HMCES: variants seen among roughly 807,000 people sequenced by gnomAD.
HMCES encodes the protein abasic site processing protein HMCES.
A neutral mutation model predicts 35.1 loss-of-function variants in HMCES; 27 were observed. The observed-to-expected ratio is 0.77, with a 90% CI of 0.57 to 1.06. HMCES has a LOEUF of 1.06. HMCES is among the 50% of genes least tolerant of loss of function. HMCES has a pLI of 0.00. For synonymous variants in HMCES, 130 were observed against 154.7 expected (o/e 0.84, Z 1.18); for missense variants, 391 against 430.4 (o/e 0.91, Z 0.81).
At position 129,279,801 on chromosome 3, in the gene HMCES, G is replaced by A. The variant is rs1940411999; in HGVS notation, c.69G>A (p.Arg23=). The change falls in exon 2 of 7, where the codon CGG becomes CGA. Residue 23 remains arginine (R), a synonymous_variant. Coordinates refer to ENST00000383463, the MANE Select transcript of HMCES (RefSeq NM_020187.3). This position sits in a 1 kb window ranked among gnomAD's most constrained non-coding sequence, Gnocchi z 4.2. The part of the protein sequence containing the change: ...VLTRACAYQD[R]RGQQRLPEWR... ...CGAGAGCTTGCGCCTACCAGGATCG[G>A]CGGGGCCAGCAGCGGCTCCCGGAGT... is the stretch of plus-strand genomic sequence containing the variant. The A allele has an allele frequency of 1.2e-6, 2 of 1,613,478 alleles. No homozygotes were observed. Among genetic ancestry groups the A allele is most frequent in the African/African-American group, 2.7e-5 (2 of 75,022 alleles).
rs1560070975 is a variant in HMCES, at chr3:129,279,272, CG to C, written c.-24+370del. The C allele has an allele frequency of 5.9e-6, 1 of 168,080 alleles. No individual in the cohort carries two copies. Among genetic ancestry groups the C allele is most frequent in the African/African-American group, 2.4e-5 (1 of 41,638 alleles). 10.4% of individuals were successfully genotyped at this position (168,080 alleles called of 1,614,324 possible). On this transcript the variant is annotated intron_variant, in intron 1 of 6. Coordinates refer to ENST00000383463, the MANE Select transcript of HMCES (RefSeq NM_020187.3). This position sits in a 1 kb window ranked among gnomAD's most constrained non-coding sequence, Gnocchi z 4.2. ...AGGCGGGGATTCTGCACCCCGGCCCCGGGCCGTCCAGTGGCCGCCCTCGAGG... is the reference window on the plus strand; with the variant it reads ...AGGCGGGGATTCTGCACCCCGGCCCCGGCCGTCCAGTGGCCGCCCTCGAGG...
chr3:129,302,481 G>T (rs189817540), intron 6 of HMCES, among the ~76,000 whole-genome samples: 10 of 152,208 alleles, frequency 6.6e-5, no homozygotes, highest in African/African-American at 2.4e-4. Context: ...TTGGGAGGCC[G>T]AGGCAAGTGG....
rs771844415 is a variant in HMCES at position 129,298,471 on chromosome 3, GTCCTGT to G, written c.572_577del (p.Val191_Tyr193delinsAsp). 20 of 1,614,080 alleles carry G rather than the reference GTCCTGT, an allele frequency of 1.2e-5. No individual in the cohort carries two copies. The African/African-American group carries it at 2.3e-4, about 18-fold the overall frequency. On this transcript the variant is annotated inframe_deletion, in exon 5 of 7. Coordinates refer to ENST00000383463, the MANE Select transcript of HMCES (RefSeq NM_020187.3). ...CTGGGAGCCCCCAGAGGGAGGAGAT[GTCCTGT>G]ATTCCTATACCATCATCACAGTGGA...
Position 129,305,260 on chromosome 3 carries a change from T to A in HMCES, c.*435T>A, listed in dbSNP as rs1021998942. 1.3e-5 allele frequency: 2 copies of A among 155,392 alleles called. No homozygotes were observed. The highest frequency in any genetic ancestry group is 2.9e-5 in the Non-Finnish European group (2 of 70,064). 9.6% of individuals were successfully genotyped at this position (155,392 alleles called of 1,614,324 possible). A position where few individuals can be genotyped will look rare whatever the true frequency, so the allele number is the denominator to read the frequency against. ...TAAAATAAAAATAAGTTCTTAAAATTTATTTTTTTCCTGAATAAATTGTAT... is the reference window on the plus strand; with the variant it reads ...TAAAATAAAAATAAGTTCTTAAAATATATTTTTTTCCTGAATAAATTGTAT... On this transcript the variant is annotated 3_prime_UTR_variant, in exon 7 of 7. Transcript: ENST00000383463.
At chr3:129,293,307 C>T (rs1245236185) in intron 4 of HMCES, among the ~76,000 whole-genome samples, 3 of 152,046 alleles carry the variant, frequency 2.0e-5, no homozygotes. Flanking sequence ...GCACCAAAAT[C>T]TCAGAAATCA....
chr3:129,291,149 C>T (rs548591276), intron 4 of HMCES, among the ~76,000 whole-genome samples: 1 of 152,152 alleles, frequency 6.6e-6, no homozygotes, highest in East Asian at 1.9e-4. Context: ...CTGCAATGAG[C>T]TATGATCACA....
intron 4 of HMCES, among the ~76,000 whole-genome samples, chr3:129,294,418 G>A (rs1024377689): frequency 9.9e-5 from 15 of 151,940 alleles, no homozygotes; most frequent in Admixed American, 7.2e-4. Flanking sequence ...GTGAGACTCC[G>A]TCTCAAAAAA....
At chr3:129,287,724 G>A (rs1248346102) in intron 2 of HMCES, among the ~76,000 whole-genome samples, 1 of 152,140 alleles carries the variant, frequency 6.6e-6, no homozygotes, top group South Asian at 2.1e-4. Context: ...GCATCCTCCA[G>A]TGCTTTGAGA....
Position 129,306,088 on chromosome 3 carries a change from TTTGG to T in HMCES, c.*1267_*1270del, listed in dbSNP as rs550170092. On this transcript the variant is annotated 3_prime_UTR_variant, in exon 7 of 7. Transcript: ENST00000383463. Reference sequence around the variant, plus strand: ...CCCTTGTGGACTGATTTGCGTGGGATTTGGTTGTTTTATTAAGAGATTTAAAAAA... The same window carrying T: ...CCCTTGTGGACTGATTTGCGTGGGATTTGTTTTATTAAGAGATTTAAAAAA... 2.0e-5 allele frequency: 3 copies of T among 152,110 alleles called. No homozygotes were observed. Among genetic ancestry groups the T allele is most frequent in the Non-Finnish European group, 4.4e-5 (3 of 68,028 alleles). The allele number at this position is 152,110 out of a possible 1,614,324, so 9.4% of individuals were successfully genotyped here. A position where few individuals can be genotyped will look rare whatever the true frequency, so the allele number is the denominator to read the frequency against.
At chr3:129,297,425 C>T (rs2071107564) in intron 4 of HMCES, among the ~76,000 whole-genome samples, 1 of 152,028 alleles carries the variant, frequency 6.6e-6, no homozygotes, top group Non-Finnish European at 1.5e-5. Context: ...TCCCTGGCAG[C>T]TTAAGACTTT....
chr3:129,285,555 C>T (rs1940613977), intron 2 of HMCES, among the ~76,000 whole-genome samples: 1 of 151,900 alleles, frequency 6.6e-6, no homozygotes, highest in South Asian at 2.1e-4. Context: ...GGGTTCACGC[C>T]ATTCTCCTGC....
Position 129,298,882 on chromosome 3 carries a change from C to T in HMCES, c.635+347C>T, listed in dbSNP as rs559862451. On this transcript the variant is annotated intron_variant, in intron 5 of 6. Coordinates refer to ENST00000383463, the MANE Select transcript of HMCES (RefSeq NM_020187.3). ...ACTACAGGCTGAGCACGGTGGCTCACGCCTGTAATCCCAGCACTTTGGGAT... is the reference window on the plus strand; with the variant it reads ...ACTACAGGCTGAGCACGGTGGCTCATGCCTGTAATCCCAGCACTTTGGGAT... Among the ~76,000 whole-genome samples, 9 of 152,268 alleles carry T rather than the reference C, an allele frequency of 5.9e-5. No individual in the cohort carries two copies. In the East Asian group the frequency reaches 1.2e-3, roughly 20 times the overall value.
At chr3:129,284,742 G>A (rs1242390180) in intron 2 of HMCES, among the ~76,000 whole-genome samples, 2 of 152,176 alleles carry the variant, frequency 1.3e-5, no homozygotes, top group Non-Finnish European at 2.9e-5. Flanking sequence ...GTGAAACCCT[G>A]TCTCTACTAA....
rs145133488 is a variant in HMCES at position 129,303,583 on chromosome 3, T to C, written c.829-1006T>C. ...ATACTTCCTAGCCGAATATCCTAAA[T>C]CTGAAATGTACCAACAAGCATTTCC... On this transcript the variant is annotated intron_variant, in intron 6 of 6. Transcript: ENST00000383463. 2.8e-4 allele frequency among the ~76,000 whole-genome samples: 42 copies of C among 152,336 alleles called. No individual in the cohort carries two copies. In the East Asian group the frequency reaches 7.9e-3, roughly 29 times the overall value.
rs2071221944 is a variant in HMCES, at chr3:129,305,400, T to C, written c.*575T>C. 6.6e-6 allele frequency: 1 copy of C among 152,024 alleles called. No individual in the cohort carries two copies. The highest frequency in any genetic ancestry group is 2.4e-5 in the African/African-American group (1 of 41,368). The allele number at this position is 152,024 out of a possible 1,614,324, so 9.4% of individuals were successfully genotyped here. On this transcript the variant is annotated 3_prime_UTR_variant, in exon 7 of 7. Coordinates refer to ENST00000383463, the MANE Select transcript of HMCES (RefSeq NM_020187.3). ...AATGGATTTTGTCACAAATGGGGCA[T>C]GGGGGCTTTCTGAGGAAATAACTAC...
At position 129,279,935 on chromosome 3, in the gene HMCES, G is replaced by A. The variant is rs1355901268; in HGVS notation, c.183+20G>A. 2.0e-6 allele frequency: 3 copies of A among 1,531,886 alleles called. No individual in the cohort carries two copies. The African/African-American group carries it at 4.2e-5, about 21-fold the overall frequency. 94.9% of individuals were successfully genotyped at this position (1,531,886 alleles called of 1,614,324 possible). On this transcript the variant is annotated intron_variant, in intron 2 of 6. Transcript: ENST00000383463. The surrounding 1 kb of genome is among the most constrained non-coding windows in gnomAD (Gnocchi z 4.2). Reference sequence around the variant, plus strand: ...GAGAAGGTAACCAGCATTGCACTATGCTAGCCCCTCGCCCAGCCTCGTGAT... The same window carrying A: ...GAGAAGGTAACCAGCATTGCACTATACTAGCCCCTCGCCCAGCCTCGTGAT...
At chr3:129,288,730 C>G (rs769712895) in intron 2 of HMCES, 124 bp from the exon 3 acceptor site, 8 of 814,688 alleles carry the variant, frequency 9.8e-6, no homozygotes, top group Non-Finnish European at 1.4e-5. Flanking sequence ...AAGTAGATTC[C>G]CTGTTTAAAA....
intron 4 of HMCES, 62 bp from the exon 5 acceptor site, chr3:129,298,292 T>A: frequency 6.8e-7 from 1 of 1,471,988 alleles, no homozygotes; most frequent in Admixed American, 1.7e-5. Flanking sequence ...AAGTAGTACC[T>A]AACCTGCATG....
At chr3:129,292,415 G>A (rs1333818247) in intron 4 of HMCES, among the ~76,000 whole-genome samples, 1 of 151,748 alleles carries the variant, frequency 6.6e-6, no homozygotes, top group Admixed American at 6.6e-5. Context: ...TGAGCCTGGG[G>A]TGGGGAGTGG....
Sources: allele counts gnomAD v4.1 joint callset (sites outside exome capture counted in the v4.1 genomes callset), GRCh38; gene constraint gnomAD v4.1.1; non-coding constraint Gnocchi (gnomAD v3.1); transcripts MANE v1.5; gene names NCBI Gene and HGNC (gene_info 2026-07-23, HGNC 2026-07-21).